Variants in PBX4 observed in about 807,000 individuals in gnomAD.
PBX4 encodes PBX homeobox 4, also known as pre-B-cell leukemia transcription factor 4.
A neutral mutation model predicts 35.1 loss-of-function variants in PBX4; 26 were observed. The ratio of observed to expected loss-of-function variants is 0.74; its 90% CI spans 0.54 to 1.03. The LOEUF (loss-of-function observed/expected upper bound fraction) is 1.03, where lower values mean the gene tolerates loss of function less well. Among genes scored for constraint, PBX4 ranks in the 50% least tolerant of loss-of-function variants. The pLI is 0.00. For synonymous variants in PBX4, 199 were observed against 204.2 expected, an observed-to-expected ratio of 0.97 and a Z score of 0.22; for missense variants, 448 against 504.3, an observed-to-expected ratio of 0.89 and a Z score of 1.07.
chr19:19,604,373 A>T (rs566562639), intron 1 of PBX4, among the ~76,000 whole-genome samples: 2 of 150,982 alleles, frequency 1.3e-5, no homozygotes, highest in Admixed American at 6.6e-5. Context: ...TTGCTGAGGC[A>T]CAAGAATTAC....
intron 2 of PBX4, among the ~76,000 whole-genome samples, chr19:19,590,620 C>CA (rs1422781220): frequency 1.3e-5 from 2 of 152,064 alleles, no homozygotes; most frequent in African/African-American, 4.8e-5. Flanking sequence ...AGGCATATGC[C>CA]ACCACGCCCA....
intron 2 of PBX4, among the ~76,000 whole-genome samples, chr19:19,583,011 T>A (rs1237885074): frequency 6.6e-6 from 1 of 152,244 alleles, no homozygotes; most frequent in Non-Finnish European, 1.5e-5. Flanking sequence ...CGTCATGAAC[T>A]CTTTCCCAGC....
At chr19:19,568,752 A>C (rs111913008) in intron 5 of PBX4, among the ~76,000 whole-genome samples, 1 of 150,122 alleles carries the variant, frequency 6.7e-6, no homozygotes, top group African/African-American at 2.5e-5. Context: ...CTCACACTCC[A>C]TCTGTATCCC....
chr19:19,577,204 A>C (rs1372528500), intron 2 of PBX4, among the ~76,000 whole-genome samples: 1 of 152,078 alleles, frequency 6.6e-6, no homozygotes. Context: ...CAAAAAAAAA[A>C]AAAAAAAACT....
intron 2 of PBX4, among the ~76,000 whole-genome samples, chr19:19,571,551 G>A (rs994765110): frequency 2.0e-5 from 3 of 152,156 alleles, no homozygotes; most frequent in Non-Finnish European, 4.4e-5. Flanking sequence ...CACAGCTGTG[G>A]GGTCTGCAGG....
chr19:19,614,075 C>G (rs1439114139), intron 1 of PBX4, among the ~76,000 whole-genome samples: 2 of 152,204 alleles, frequency 1.3e-5, no homozygotes, highest in African/African-American at 4.8e-5. Context: ...GTCTGTCATC[C>G]CAGCACTCTG....
intron 2 of PBX4, among the ~76,000 whole-genome samples, chr19:19,576,029 G>A (rs987163145): frequency 1.3e-5 from 2 of 152,218 alleles, no homozygotes; most frequent in Non-Finnish European, 2.9e-5. Context: ...ATGAGAGTGT[G>A]TGTGTTCATG....
At chr19:19,617,055 T>C (rs2061692552) in intron 1 of PBX4, among the ~76,000 whole-genome samples, 1 of 152,220 alleles carries the variant, frequency 6.6e-6, no homozygotes, top group Non-Finnish European at 1.5e-5. Flanking sequence ...CTCCGCTTTT[T>C]ACATCCTCTT....
chr19:19,581,631 A>G (rs1366658187), intron 2 of PBX4, among the ~76,000 whole-genome samples: 1 of 152,186 alleles, frequency 6.6e-6, no homozygotes, highest in African/African-American at 2.4e-5. Flanking sequence ...CCAGGACACC[A>G]AACAAGGAAG....
chr19:19,561,995 G>T lies in PBX4; in HGVS notation c.*30C>A, dbSNP rs373886682. ...CGGCTGGCGATACATGGCAGCTCACGCAGCGCTCTTTCCTGCTTATCCCCC... is the reference window on the plus strand; with the variant it reads ...CGGCTGGCGATACATGGCAGCTCACTCAGCGCTCTTTCCTGCTTATCCCCC... On this transcript the variant is annotated 3_prime_UTR_variant, in exon 8 of 8. Transcript: ENST00000251203. The T allele has an allele frequency of 6.3e-7, 1 of 1,576,492 alleles. No individual in the cohort carries two copies. Among genetic ancestry groups the T allele is most frequent in the Non-Finnish European group, 8.7e-7 (1 of 1,151,386 alleles).
chr19:19,610,740 G>A (rs891842885), intron 1 of PBX4, among the ~76,000 whole-genome samples: 1 of 152,104 alleles, frequency 6.6e-6, no homozygotes, highest in Non-Finnish European at 1.5e-5. Flanking sequence ...GGGTGATAGA[G>A]CAAGACTCTG....
chr19:19,564,070 C>A (rs970103409), intron 6 of PBX4, among the ~76,000 whole-genome samples: 21 of 151,364 alleles, frequency 1.4e-4, no homozygotes, highest in African/African-American at 4.6e-4. Context: ...TATACATGTG[C>A]CATGCTGGTG....
chr19:19,615,616 G>T (rs2061685089), intron 1 of PBX4, among the ~76,000 whole-genome samples: 1 of 152,136 alleles, frequency 6.6e-6, no homozygotes, highest in Admixed American at 6.5e-5. Context: ...AACAGGCCAG[G>T]CACAGTAGTT....
chr19:19,567,560 C>T (rs1268435585), intron 5 of PBX4, among the ~76,000 whole-genome samples: 1 of 152,170 alleles, frequency 6.6e-6, no homozygotes, highest in Non-Finnish European at 1.5e-5. Context: ...CTGTGCCTGC[C>T]CAGGTGGGAG....
At chr19:19,606,902 A>G (rs980856957) in intron 1 of PBX4, 1 of 152,154 alleles carries the variant, frequency 6.6e-6, no homozygotes, top group African/African-American at 2.4e-5. Context: ...GAGGCATGAC[A>G]ATCACTTGAA....
chr19:19,586,318 TGGGA>T (rs1451543825), intron 2 of PBX4, among the ~76,000 whole-genome samples: 1 of 151,786 alleles, frequency 6.6e-6, no homozygotes, highest in Non-Finnish European at 1.5e-5. Flanking sequence ...GAGGCTGAGG[TGGGA>T]GGATCACCTG....
chr19:19,597,423 T>C (rs1250583558), intron 2 of PBX4, among the ~76,000 whole-genome samples: 2 of 152,114 alleles, frequency 1.3e-5, no homozygotes, highest in African/African-American at 4.8e-5. Flanking sequence ...GAGCTAAGTA[T>C]TATTATTGCC....
At chr19:19,573,360 CACACACACACAT>C (rs901475995) in intron 2 of PBX4, among the ~76,000 whole-genome samples, 13 of 149,536 alleles carry the variant, frequency 8.7e-5, no homozygotes, top group African/African-American at 2.9e-4. Flanking sequence ...CACACACACA[CACACACACACAT>C]ATAGGATAGT....
intron 1 of PBX4, among the ~76,000 whole-genome samples, chr19:19,616,356 C>G (rs1364726653): frequency 6.6e-6 from 1 of 152,146 alleles, no homozygotes; most frequent in Non-Finnish European, 1.5e-5. Flanking sequence ...GAGACAGAGT[C>G]TCACTCTGTC....
Sources: allele counts gnomAD v4.1 joint callset (sites outside exome capture counted in the v4.1 genomes callset), GRCh38; gene constraint gnomAD v4.1.1; transcripts MANE v1.5; gene names NCBI Gene and HGNC (gene_info 2026-07-23, HGNC 2026-07-21).